Variants in APBB2 observed in about 807,000 individuals in gnomAD.
APBB2 encodes Fe65-like 1.
A neutral mutation model predicts 82.5 loss-of-function variants in APBB2; 38 were observed. The ratio of observed to expected loss-of-function variants is 0.46; its 90% CI spans 0.36 to 0.60. The LOEUF (loss-of-function observed/expected upper bound fraction) is 0.60, where lower values mean the gene tolerates loss of function less well. Among genes scored for constraint, APBB2 ranks in the 20% least tolerant of loss-of-function variants. APBB2 has a pLI of 0.00. For synonymous variants in APBB2, 341 were observed against 368.2 expected, an observed-to-expected ratio of 0.93 and a Z score of 0.85; for missense variants, 772 against 972.3, an observed-to-expected ratio of 0.79 and a Z score of 2.74.
At chr4:41,076,210 C>T (rs1023898973) in intron 3 of APBB2, among the ~76,000 whole-genome samples, 2 of 152,112 alleles carry the variant, frequency 1.3e-5, no homozygotes, top group South Asian at 4.1e-4. Flanking sequence ...AACCAGTATG[C>T]GGCAAAGAAC....
rs139638197 is a variant in APBB2 at position 40,821,422 on chromosome 4, CT to C, written c.2112+448del. ...TAAATAAAACAGAACTAACAACTAC[CT>C]AACAGAGTTGTCGGAAGGACTGAGT... is the stretch of plus-strand genomic sequence containing the variant. On this transcript the variant is annotated intron_variant, in intron 17 of 17. Coordinates refer to ENST00000508593, the MANE Select transcript of APBB2 (RefSeq NM_004307.2). Among the ~76,000 whole-genome samples, 1,059 of 152,338 alleles carry C rather than the reference CT, an allele frequency of 7.0e-3. 9 individuals carry two copies. The highest frequency in any genetic ancestry group is 0.013 in the Admixed American group (195 of 15,298).
At chr4:41,119,052 T>C (rs892225031) in intron 2 of APBB2, among the ~76,000 whole-genome samples, 1 of 151,990 alleles carries the variant, frequency 6.6e-6, no homozygotes, top group Non-Finnish European at 1.5e-5. Context: ...GGCAGGAAGA[T>C]GGTTTGAGCC....
chr4:40,870,049 C>A (rs28579485), intron 12 of APBB2, among the ~76,000 whole-genome samples: 1 of 151,992 alleles, frequency 6.6e-6, no homozygotes, highest in Non-Finnish European at 1.5e-5. Context: ...TACCAAATCA[C>A]GTTATACATC....
At chr4:40,928,520 G>A (rs1293399756) in intron 10 of APBB2, among the ~76,000 whole-genome samples, 1 of 151,940 alleles carries the variant, frequency 6.6e-6, no homozygotes, top group Non-Finnish European at 1.5e-5. Context: ...AGAGGTTGCA[G>A]TGAGCTGAGA....
chr4:40,978,629 GA>G (rs1797749469), intron 6 of APBB2, among the ~76,000 whole-genome samples: 1 of 152,104 alleles, frequency 6.6e-6, no homozygotes, highest in Non-Finnish European at 1.5e-5. Flanking sequence ...CGTCAATCAC[GA>G]AAAGGGTTTT....
chr4:40,856,640 G>C (rs1353901038), intron 12 of APBB2, among the ~76,000 whole-genome samples: 1 of 152,242 alleles, frequency 6.6e-6, no homozygotes, highest in African/African-American at 2.4e-5. Flanking sequence ...CAGGGGGCAC[G>C]TGAGGCGAAG....
chr4:40,867,673 G>C (rs963022924), intron 12 of APBB2, among the ~76,000 whole-genome samples: 2 of 152,148 alleles, frequency 1.3e-5, no homozygotes, highest in Admixed American at 6.6e-5. Flanking sequence ...GTTCACATAT[G>C]GGGCTCCTGT....
intron 1 of APBB2, among the ~76,000 whole-genome samples, chr4:41,175,648 T>C (rs929678557): frequency 2.6e-5 from 4 of 152,190 alleles, no homozygotes; most frequent in Non-Finnish European, 5.9e-5. Context: ...AAATTGTATA[T>C]AAACACAATA....
intron 10 of APBB2, 82 bp downstream of exon 10, chr4:40,934,374 T>C (rs1285125806): frequency 2.9e-6 from 4 of 1,379,702 alleles, no homozygotes; most frequent in Admixed American, 3.5e-5. Flanking sequence ...GGTTGATGGT[T>C]TGTAAAAACT....
At chr4:40,965,133 A>G (rs1794361213) in intron 6 of APBB2, among the ~76,000 whole-genome samples, 1 of 152,120 alleles carries the variant, frequency 6.6e-6, no homozygotes, top group African/African-American at 2.4e-5. Context: ...AAATTAAAAA[A>G]AAAAAAAAAT....
chr4:40,922,243 T>C (rs1281881163), intron 10 of APBB2, among the ~76,000 whole-genome samples: 1 of 152,224 alleles, frequency 6.6e-6, no homozygotes, highest in Non-Finnish European at 1.5e-5. Flanking sequence ...ACTGTAATTG[T>C]CATTCTTAAA....
At chr4:41,032,689 TTACGA>T (rs1717307566) in intron 5 of APBB2, among the ~76,000 whole-genome samples, 3 of 152,060 alleles carry the variant, frequency 2.0e-5, no homozygotes, top group African/African-American at 4.8e-5. Context: ...TATTTTTACA[TTACGA>T]TATAAGTATT....
intron 6 of APBB2, among the ~76,000 whole-genome samples, chr4:40,982,134 G>A (rs548704409): frequency 1.3e-5 from 2 of 149,174 alleles, no homozygotes; most frequent in African/African-American, 5.0e-5. Flanking sequence ...GCAGTGAGCC[G>A]AGGTCACACC....
chr4:40,926,265 C>A (rs971945821), intron 10 of APBB2, among the ~76,000 whole-genome samples: 2 of 152,156 alleles, frequency 1.3e-5, no homozygotes, highest in Non-Finnish European at 2.9e-5. Flanking sequence ...TCATGTCCCA[C>A]CCCAGAGCAA....
rs550991263 is a variant in APBB2, at chr4:41,036,133, G to A, written c.-50-2829C>T. 2.0e-5 allele frequency among the ~76,000 whole-genome samples: 3 copies of A among 152,158 alleles called. No homozygotes were observed. The East Asian group carries it at 5.8e-4, about 29-fold the overall frequency. On this transcript the variant is annotated intron_variant, in intron 4 of 17. Coordinates refer to ENST00000508593, the MANE Select transcript of APBB2 (RefSeq NM_004307.2). Reference sequence around the variant, plus strand: ...TGATTGCACCATTGCATTCCAGCCTGGACAACAGAGTGACACCCTATCTCT... The same window carrying A: ...TGATTGCACCATTGCATTCCAGCCTAGACAACAGAGTGACACCCTATCTCT...
At chr4:41,208,708 A>G (rs899668318) in intron 1 of APBB2, among the ~76,000 whole-genome samples, 2 of 152,258 alleles carry the variant, frequency 1.3e-5, no homozygotes, top group Admixed American at 6.5e-5. Context: ...ACAAGAGGAA[A>G]AGAGAGGGTA....
At chr4:41,007,650 A>T (rs1406490797) in intron 6 of APBB2, among the ~76,000 whole-genome samples, 2 of 152,222 alleles carry the variant, frequency 1.3e-5, no homozygotes, top group African/African-American at 2.4e-5. Flanking sequence ...GAGTGTTCTA[A>T]ACAACTATTT....
In APBB2 at chr4:40,812,795, T is replaced by G. The variant is rs1418436462; in HGVS notation, c.*3297A>C. ...GTGCCACAGTTTATCACCAAGAACT[T>G]ATTTTAATGGAAATGGGTCTAATGT... On this transcript the variant is annotated 3_prime_UTR_variant, in exon 18 of 18. Transcript: ENST00000508593. 3.9e-5 allele frequency: 6 copies of G among 152,250 alleles called. No individual in the cohort carries two copies. The highest frequency in any genetic ancestry group is 1.4e-4 in the African/African-American group (6 of 41,460). The allele number at this position is 152,250 out of a possible 1,614,324, so 9.4% of individuals were successfully genotyped here.
At chr4:40,855,342 A>G (rs1760832842) in intron 12 of APBB2, among the ~76,000 whole-genome samples, 2 of 152,232 alleles carry the variant, frequency 1.3e-5, no homozygotes, top group Admixed American at 6.5e-5. Flanking sequence ...GTGTCCAATA[A>G]ATACTTATTA....
Sources: allele counts gnomAD v4.1 joint callset (sites outside exome capture counted in the v4.1 genomes callset), GRCh38; gene constraint gnomAD v4.1.1; transcripts MANE v1.5; gene names NCBI Gene and HGNC (gene_info 2026-07-23, HGNC 2026-07-21).